The following GNG7 variants were observed in gnomAD, a reference collection of about 807,000 sequenced individuals.
GNG7 encodes the protein G protein subunit gamma 7, also known as guanine nucleotide-binding protein G(I)/G(S)/G(O) subunit gamma-7.
GNG7 carries 1 observed loss-of-function variant against 4.0 expected under a neutral mutation model. That is an observed-to-expected ratio of 0.25 (90% CI 0.09 to 1.18). The LOEUF (loss-of-function observed/expected upper bound fraction) is 1.18. Among genes scored for constraint, GNG7 ranks in the 50% most tolerant of loss-of-function variants. GNG7 has a pLI of 0.50. For missense variants in GNG7, 86 were observed against 91.9 expected, an observed-to-expected ratio of 0.94 and a Z score of 0.26; for synonymous variants, 34 against 36.9, an observed-to-expected ratio of 0.92 and a Z score of 0.29.
intron 2 of GNG7, among the ~76,000 whole-genome samples, chr19:2,620,754 T>C (rs113687204): frequency 6.6e-6 from 1 of 151,994 alleles, no homozygotes; most frequent in Non-Finnish European, 1.5e-5. Context: ...GGCAGGAGAA[T>C]TGCTTGAACC....
At chr19:2,615,932 G>C (rs1981712160) in intron 2 of GNG7, among the ~76,000 whole-genome samples, 1 of 152,198 alleles carries the variant, frequency 6.6e-6, no homozygotes, top group Admixed American at 6.5e-5. Context: ...TCGGCAAAGG[G>C]GCGCCTCCTG....
chr19:2,575,210 G>A (rs113019401), intron 2 of GNG7, among the ~76,000 whole-genome samples: 4 of 151,914 alleles, frequency 2.6e-5, no homozygotes, highest in African/African-American at 7.2e-5. Context: ...TCAGCCTCCA[G>A]AGTAGCTAGG....
chr19:2,690,606 C>A (rs1323937812), intron 1 of GNG7, among the ~76,000 whole-genome samples: 1 of 147,354 alleles, frequency 6.8e-6, no homozygotes, highest in African/African-American at 2.5e-5. Flanking sequence ...TTTTTTTTTT[C>A]TTCTTGAGAC....
chr19:2,619,973 G>A lies in GNG7; in HGVS notation c.-78+26251C>T, dbSNP rs373989310. 3.6e-4 allele frequency among the ~76,000 whole-genome samples: 55 copies of A among 151,648 alleles called. No homozygotes were observed. The South Asian group carries it at 7.3e-3, about 20-fold the overall frequency. ...TTTTGGGAGGACGAGGGGGGGGCGC[G>A]GATCACCTGAGGTCGGGAGTTCAAG... is the stretch of plus-strand genomic sequence containing the variant. On this transcript the variant is annotated intron_variant, in intron 2 of 4. Coordinates refer to ENST00000382159, the MANE Select transcript of GNG7 (RefSeq NM_052847.3).
rs750562679 is a variant in GNG7, at chr19:2,515,069, C to T, written c.160G>A (p.Ala54Thr). The T allele has an allele frequency of 1.9e-6, 3 of 1,614,014 alleles. No homozygotes were observed. Among genetic ancestry groups the T allele is most frequent in the Admixed American group, 1.7e-5 (1 of 60,004 alleles). The change falls in exon 5 of 5, where the codon GCC (alanine) becomes ACC (threonine). Residue 54 changes from alanine (A) to threonine (T), a missense_variant. Coordinates refer to ENST00000382159, the MANE Select transcript of GNG7 (RefSeq NM_052847.3). ...TTGTCCTTAAAGGGGTTCTCCGAGG[C>T]AGGGACTCCGACCAGCAGGGGGTCG... ...RNDPLLVGVPASENPFKDKKP... is the reference protein window; with the variant it reads ...RNDPLLVGVPTSENPFKDKKP...
At chr19:2,569,206 G>C (rs949646164) in intron 2 of GNG7, among the ~76,000 whole-genome samples, 2 of 152,134 alleles carry the variant, frequency 1.3e-5, no homozygotes, top group African/African-American at 4.8e-5. Flanking sequence ...TTCCACAAAG[G>C]GTGCAGCATA....
chr19:2,680,816 CT>C (rs918896005), intron 1 of GNG7, among the ~76,000 whole-genome samples: 1 of 151,808 alleles, frequency 6.6e-6, no homozygotes, highest in African/African-American at 2.4e-5. Context: ...TCATTCGTTT[CT>C]TTTTTGAGAC....
intron 2 of GNG7, among the ~76,000 whole-genome samples, chr19:2,564,232 C>G (rs1979833462): frequency 6.6e-6 from 1 of 152,130 alleles, no homozygotes; most frequent in African/African-American, 2.4e-5. Flanking sequence ...GGGATGAAAT[C>G]ATCATCCTGT....
chr19:2,673,794 ATTTC>A (rs201754702), intron 1 of GNG7, among the ~76,000 whole-genome samples: 2 of 151,974 alleles, frequency 1.3e-5, no homozygotes, highest in African/African-American at 4.8e-5. Flanking sequence ...TTTTTAGAAA[ATTTC>A]TTTCTTTCTT....
chr19:2,698,867 TCAAA>T (rs2144664288), intron 1 of GNG7, among the ~76,000 whole-genome samples: 1 of 152,250 alleles, frequency 6.6e-6, no homozygotes, highest in East Asian at 1.9e-4. Context: ...CTCTTTGCCT[TCAAA>T]CAGTGGGGCC....
At chr19:2,623,092 G>A (rs1052199307) in intron 2 of GNG7, among the ~76,000 whole-genome samples, 2 of 152,168 alleles carry the variant, frequency 1.3e-5, no homozygotes, top group African/African-American at 4.8e-5. Context: ...CCACAGGTTG[G>A]GCTGTAGTAT....
At chr19:2,548,295 G>A (rs192163166) in intron 3 of GNG7, among the ~76,000 whole-genome samples, 1 of 151,890 alleles carries the variant, frequency 6.6e-6, no homozygotes, top group East Asian at 1.9e-4. Context: ...CCTGGGCAAC[G>A]TGGTGAAACC....
chr19:2,669,645 T>G (rs2144887211), intron 1 of GNG7, among the ~76,000 whole-genome samples: 2 of 152,250 alleles, frequency 1.3e-5, no homozygotes, highest in Middle Eastern at 3.4e-3. Flanking sequence ...AACAGCAGAG[T>G]TGAGTGCCTG....
chr19:2,649,664 A>C (rs1409463887), intron 1 of GNG7, among the ~76,000 whole-genome samples: 1 of 152,174 alleles, frequency 6.6e-6, no homozygotes, highest in Non-Finnish European at 1.5e-5. Flanking sequence ...CTGGGATTAC[A>C]GGCGTGAGCC....
At chr19:2,566,965 C>T (rs1386697840) in intron 2 of GNG7, among the ~76,000 whole-genome samples, 6 of 151,796 alleles carry the variant, frequency 4.0e-5, no homozygotes, top group Non-Finnish European at 5.9e-5. Flanking sequence ...ATTAGCCGGG[C>T]GCGGTGGCGG....
intron 2 of GNG7, among the ~76,000 whole-genome samples, chr19:2,572,342 C>G (rs376898116): frequency 6.6e-6 from 1 of 152,056 alleles, no homozygotes; most frequent in Non-Finnish European, 1.5e-5. Context: ...TTTGTAGAGA[C>G]GGGTTTCGCT....
intron 3 of GNG7, among the ~76,000 whole-genome samples, chr19:2,538,993 G>C (rs1174213360): frequency 1.3e-5 from 2 of 151,898 alleles, no homozygotes; most frequent in Non-Finnish European, 2.9e-5. Flanking sequence ...GGATGGTCTC[G>C]ATCTCCTGAC....
intron 2 of GNG7, among the ~76,000 whole-genome samples, chr19:2,589,371 C>T (rs1406289906): frequency 2.0e-5 from 2 of 100,572 alleles, no homozygotes; most frequent in African/African-American, 3.7e-5. Context: ...TACAGGTGCA[C>T]TTTTTTTTTT....
chr19:2,559,193 C>A (rs1408649890), intron 2 of GNG7, among the ~76,000 whole-genome samples: 3 of 151,944 alleles, frequency 2.0e-5, no homozygotes, highest in Admixed American at 6.6e-5. Flanking sequence ...TGATTAGATT[C>A]TCATTATTTG....
Sources: gnomAD v4.1 joint callset for allele counts (sites outside exome capture counted in the v4.1 genomes callset) on GRCh38, gnomAD v4.1.1 for gene constraint, MANE v1.5 for transcripts, NCBI Gene and HGNC (gene_info 2026-07-23, HGNC 2026-07-21) for gene names.